The following ZNF202 variants were observed in gnomAD, a reference collection of about 807,000 sequenced individuals.
ZNF202 encodes zinc finger protein with KRAB and SCAN domains 10.
A neutral mutation model predicts 54.5 loss-of-function variants in ZNF202; 22 were observed. That is an observed-to-expected ratio of 0.40 (90% CI 0.29 to 0.58). ZNF202 has a LOEUF of 0.58. Ranked by LOEUF, ZNF202 falls within the 20% of genes least tolerant of loss-of-function variation. ZNF202 has a pLI of 0.39. For missense variants in ZNF202, 644 were observed against 805.5 expected (o/e 0.80, Z 2.43); for synonymous variants, 294 against 301.4 (o/e 0.98, Z 0.26).
chr11:123,727,504 C>T lies in ZNF202; in HGVS notation c.924G>A (p.Glu308=), dbSNP rs1861205391. The T allele has an allele frequency of 6.2e-7, 1 of 1,614,120 alleles. No individual in the cohort carries two copies. Among genetic ancestry groups the T allele is most frequent in the Non-Finnish European group, 8.5e-7 (1 of 1,180,010 alleles). The change falls in exon 8 of 9, where the codon GAG becomes GAA. Residue 308 remains glutamate, a synonymous_variant. Transcript: ENST00000530393. ...TGTAGGTAAAACTCAGGATTTCTGG[C>T]TCTTGAGTCTCCTGAGGCTCTTGGA... ...PDIQEPQETQ[E]PEILSFTYTG... is the part of the protein sequence containing the mutation.
rs866547807 is a variant in ZNF202, at chr11:123,730,420, C to T, written c.402+67G>A. On this transcript the variant is annotated intron_variant, in intron 4 of 8. Coordinates refer to ENST00000530393, the MANE Select transcript of ZNF202 (RefSeq NM_003455.4). This position sits in a 1 kb window ranked among gnomAD's most constrained non-coding sequence, Gnocchi z 6.0. The stretch of plus-strand genomic sequence containing the variant: ...TTATGGGGATCCTGCAAGCTCTCCC[C>T]GCAAATCCAGCCTTCCAGCAAATAG... 2.4e-5 allele frequency: 36 copies of T among 1,484,036 alleles called. No individual in the cohort carries two copies. In the Middle Eastern group the frequency reaches 3.4e-3, roughly 142 times the overall value. 91.9% of individuals were successfully genotyped at this position (1,484,036 alleles called of 1,614,324 possible).
chr11:123,736,073 G>A (rs1217634997), intron 3 of ZNF202, among the ~76,000 whole-genome samples: 2 of 152,182 alleles, frequency 1.3e-5, no homozygotes, highest in East Asian at 3.9e-4. Context: ...GGATTGGAGA[G>A]GAGCTATCAA....
At chr11:123,731,937 T>C (rs1861423820) in intron 3 of ZNF202, among the ~76,000 whole-genome samples, 1 of 152,188 alleles carries the variant, frequency 6.6e-6, no homozygotes, top group Non-Finnish European at 1.5e-5. Context: ...TTTTCAAGCT[T>C]CAGATCCTAC....
At chr11:123,739,842 C>T (rs10790596) in intron 3 of ZNF202, among the ~76,000 whole-genome samples, 80,258 of 151,700 alleles carry the variant, frequency 0.53, 21,760 homozygotes, top group Middle Eastern at 0.73. Context: ...GTTAGAAGTA[C>T]AAATTCTCAA....
In ZNF202 at chr11:123,726,832, C is replaced by A. The variant is rs373154353; in HGVS notation, c.1112G>T (p.Gly371Val). 216 of 1,614,020 alleles carry A rather than the reference C, an allele frequency of 1.3e-4. No homozygotes were observed. Among genetic ancestry groups the A allele is most frequent in the Non-Finnish European group, 1.7e-4 (206 of 1,180,034 alleles). ...NPGRLNERRF[G>V]TNISQVNSFV... ...ACTATTCACTTGAGAAATATTAGTA[C>A]CAAATCTTCTTTCATTAAGTCTACC... is the stretch of plus-strand genomic sequence containing the variant. The change falls in exon 9 of 9, where the codon GGT (glycine) becomes GTT (valine). Residue 371 changes from glycine (G) to valine (V), a missense_variant. By Grantham distance (109) the Gly-to-Val change is moderately radical (BLOSUM62 -3). Coordinates refer to ENST00000530393, the MANE Select transcript of ZNF202 (RefSeq NM_003455.4). This position sits in a 1 kb window ranked among gnomAD's most constrained non-coding sequence, Gnocchi z 6.0.
intron 7 of ZNF202, 108 bp from the exon 8 acceptor site, chr11:123,727,703 C>T: frequency 7.1e-7 from 1 of 1,408,340 alleles, no homozygotes; most frequent in Non-Finnish European, 9.7e-7. Flanking sequence ...ATAGCTAGCT[C>T]AGGTGATGAA....
Position 123,725,791 on chromosome 11 carries a change from G to T in ZNF202, c.*206C>A. On this transcript the variant is annotated 3_prime_UTR_variant, in exon 9 of 9. Transcript: ENST00000530393. ...GAAGCCTCAATTCAGGTTGTACTTT[G>T]GATGAAACATCCCCTCAAGGCGTAG... The T allele has an allele frequency of 3.4e-6, 2 of 589,192 alleles. No homozygotes were observed. The highest frequency in any genetic ancestry group is 5.8e-6 in the Non-Finnish European group (2 of 345,236). The allele number at this position is 589,192 out of a possible 1,614,324, so 36.5% of individuals were successfully genotyped here.
intron 5 of ZNF202, 101 bp downstream of exon 5, chr11:123,729,514 C>T: frequency 7.5e-7 from 1 of 1,333,534 alleles, no homozygotes; most frequent in Non-Finnish European, 1.0e-6. Context: ...TCCATACAGT[C>T]TATCTACCCA....
In ZNF202 at chr11:123,730,738, G is replaced by A. The variant is rs762001655; in HGVS notation, c.151C>T (p.Arg51Cys). 6.6e-5 allele frequency: 106 copies of A among 1,614,118 alleles called. No individual in the cohort carries two copies. Among genetic ancestry groups the A allele is most frequent in the African/African-American group, 8.0e-5 (6 of 74,946 alleles). The part of the protein sequence containing the change: ...VLETSHQNFR[R>C]FRYQEAASPR... Reference sequence around the variant, plus strand: ...CTTGCTGCCTCCTGGTAGCGGAAGCGTCGGAAGTTCTGGTGGGAGGTTTCC... The same window carrying A: ...CTTGCTGCCTCCTGGTAGCGGAAGCATCGGAAGTTCTGGTGGGAGGTTTCC... Residue 51 changes from arginine to cysteine, a missense_variant, in exon 4 of 9, where the codon CGC becomes TGC. Physicochemically the swap from Arg to Cys is radical, Grantham distance 180. Transcript: ENST00000530393. The surrounding 1 kb of genome is among the most constrained non-coding windows in gnomAD (Gnocchi z 6.0).
intron 3 of ZNF202, among the ~76,000 whole-genome samples, chr11:123,734,511 T>C (rs905912528): frequency 3.3e-5 from 5 of 152,212 alleles, no homozygotes; most frequent in African/African-American, 1.2e-4. Context: ...TGTGGTTAAC[T>C]CTATCCATCT....
Position 123,726,180 on chromosome 11 carries a change from G to A in ZNF202, c.1764C>T (p.Ala588=), listed in dbSNP as rs1361160949. The A allele has an allele frequency of 6.2e-7, 1 of 1,614,214 alleles. No homozygotes were observed. The highest frequency in any genetic ancestry group is 1.1e-5 in the South Asian group (1 of 91,086). The change falls in exon 9 of 9, where the codon GCC becomes GCT. Residue 588 remains alanine, a synonymous_variant. Transcript: ENST00000530393. The surrounding 1 kb of genome is among the most constrained non-coding windows in gnomAD (Gnocchi z 6.0). ...AAFAKHLRGH[A]SVRPCRCNEC... ...CGTTGCATCGGCAGGGCCTCACTGA[G>A]GCGTGTCCTCTCAAGTGCTTGGCGA...
In ZNF202 at chr11:123,724,455, A is replaced by C. The variant is rs1475802816; in HGVS notation, c.*1542T>G. On this transcript the variant is annotated 3_prime_UTR_variant, in exon 9 of 9. Coordinates refer to ENST00000530393, the MANE Select transcript of ZNF202 (RefSeq NM_003455.4). Reference sequence around the variant, plus strand: ...CAGAATATCATCGACCAAAATGAGAATTTCCCTGTTGGGCCATTAGGGTTG... The same window carrying C: ...CAGAATATCATCGACCAAAATGAGACTTTCCCTGTTGGGCCATTAGGGTTG... 6.6e-6 allele frequency: 1 copy of C among 152,110 alleles called. No homozygotes were observed. Among genetic ancestry groups the C allele is most frequent in the African/African-American group, 2.4e-5 (1 of 41,390 alleles). 9.4% of individuals were successfully genotyped at this position (152,110 alleles called of 1,614,324 possible).
At chr11:123,737,370 A>C (rs1481194514) in intron 3 of ZNF202, among the ~76,000 whole-genome samples, 1 of 152,196 alleles carries the variant, frequency 6.6e-6, no homozygotes, top group Non-Finnish European at 1.5e-5. Flanking sequence ...TTTCTGTAAA[A>C]TATTTTTGCC....
chr11:123,725,869 A>G lies in ZNF202; in HGVS notation c.*128T>C. 1.8e-6 allele frequency: 2 copies of G among 1,087,610 alleles called. No homozygotes were observed. The highest frequency in any genetic ancestry group is 2.6e-6 in the Non-Finnish European group (2 of 781,064). 67.4% of individuals were successfully genotyped at this position (1,087,610 alleles called of 1,614,324 possible). On this transcript the variant is annotated 3_prime_UTR_variant, in exon 9 of 9. Transcript: ENST00000530393. ...TCGTGTTTAGTTGCAGGAAGAGGTA[A>G]TGTCAGATCTGAGCAGGTCAGGGAG...
At chr11:123,740,978 T>C (rs1405279292) in intron 1 of ZNF202, among the ~76,000 whole-genome samples, 7 of 151,496 alleles carry the variant, frequency 4.6e-5, no homozygotes, top group Non-Finnish European at 1.0e-4. Context: ...GAAAAGCCTC[T>C]GGCCAAATGG....
chr11:123,741,442 C>CG, intron 1 of ZNF202, 107 bp downstream of exon 1: 1 of 152,476 alleles, frequency 6.6e-6, no homozygotes, highest in South Asian at 2.1e-4. Flanking sequence ...CTCTGGGGGG[C>CG]GGGGTCTCCG....
intron 8 of ZNF202, 70 bp downstream of exon 8, chr11:123,727,404 CAG>C (rs1036569263): frequency 4.4e-6 from 7 of 1,596,640 alleles, no homozygotes; most frequent in Admixed American, 1.7e-5. Flanking sequence ...CGGGGCCCTA[CAG>C]AGAGAGAGAA....
chr11:123,727,090 C>T, intron 8 of ZNF202, 99 bp from the exon 9 acceptor site: 2 of 1,446,604 alleles, frequency 1.4e-6, no homozygotes, highest in Non-Finnish European at 1.9e-6. Context: ...GATGGCAAGA[C>T]TAAATAGAAT....
Position 123,726,292 on chromosome 11 carries a change from C to A in ZNF202, c.1652G>T (p.Arg551Leu), listed in dbSNP as rs751376277. 2 of 1,614,198 alleles carry A rather than the reference C, an allele frequency of 1.2e-6. No homozygotes were observed. The highest frequency in any genetic ancestry group is 2.2e-5 in the South Asian group (2 of 91,084). ...GTGCGTCTTCCGGTGCGCCAGGTAC[C>A]GCCTGTGTTCACTGAAGTCCTCACC... is the stretch of plus-strand genomic sequence containing the variant. ...ECGEDFSEHR[R>L]YLAHRKTHAA... The change falls in exon 9 of 9, where the codon CGG (arginine) becomes CTG (leucine). Residue 551 changes from arginine to leucine, a missense_variant. Arg to Leu is a moderately radical substitution (Grantham distance 102). Around this residue, in one of 3 missense-constraint regions of ZNF202, gnomAD observed 536 missense variants for 635.3 expected, o/e 0.84. Transcript: ENST00000530393. The surrounding 1 kb of genome is among the most constrained non-coding windows in gnomAD (Gnocchi z 6.0).
Sources: gnomAD v4.1 joint callset for allele counts (sites outside exome capture counted in the v4.1 genomes callset) on GRCh38, gnomAD v4.1.1 for gene constraint, gnomAD v4.1.1 regional missense constraint, Gnocchi (gnomAD v3.1) non-coding constraint, MANE v1.5 for transcripts, NCBI Gene and HGNC (gene_info 2026-07-23, HGNC 2026-07-21) for gene names.